RAPGEF4: variants seen among roughly 807,000 people sequenced by gnomAD.
The protein encoded by RAPGEF4 is RAP guanine-nucleotide-exchange factor (GEF) 4.
A neutral mutation model predicts 147.9 loss-of-function variants in RAPGEF4; 66 were observed. The observed-to-expected ratio is 0.45, with a 90% CI of 0.37 to 0.55. RAPGEF4 has a LOEUF of 0.55. Ranked by LOEUF, RAPGEF4 falls within the 20% of genes least tolerant of loss-of-function variation. The probability of loss-of-function intolerance (pLI) is 0.00; values close to 1 mark genes in which losing one functional copy is unlikely to be tolerated. For missense variants in RAPGEF4, 1,071 were observed against 1,257.3 expected (o/e 0.85, Z 2.24); for synonymous variants, 419 against 442.7 (o/e 0.95, Z 0.67).
intron 25 of RAPGEF4, among the ~76,000 whole-genome samples, chr2:173,028,038 T>G (rs1396577072): frequency 6.6e-6 from 1 of 152,212 alleles, no homozygotes; most frequent in African/African-American, 2.4e-5. Context: ...AGCTAGACAA[T>G]TTTCTTGACC....
intron 15 of RAPGEF4, among the ~76,000 whole-genome samples, chr2:172,995,658 AT>A (rs1381836387): frequency 2.0e-5 from 3 of 152,154 alleles, no homozygotes; most frequent in African/African-American, 7.2e-5. Flanking sequence ...CACTCAGATC[AT>A]CTGAATGTAT....
intron 14 of RAPGEF4, among the ~76,000 whole-genome samples, chr2:172,990,040 A>G (rs1031291131): frequency 1.6e-4 from 24 of 151,578 alleles, no homozygotes; most frequent in Non-Finnish European, 2.8e-4. Flanking sequence ...GAAAAGAAAA[A>G]AAAAGGCTAA....
chr2:172,804,867 T>G (rs769678573), intron 3 of RAPGEF4, among the ~76,000 whole-genome samples: 10 of 152,220 alleles, frequency 6.6e-5, no homozygotes, highest in Non-Finnish European at 1.5e-4. Flanking sequence ...AGGCCCTCTC[T>G]TAGGAAGGGA....
intron 4 of RAPGEF4, among the ~76,000 whole-genome samples, chr2:172,868,726 C>T (rs1038877315): frequency 4.6e-5 from 7 of 152,136 alleles, no homozygotes; most frequent in Non-Finnish European, 8.8e-5. Flanking sequence ...AAAAGGGGAA[C>T]GTGTGTGTTA....
intron 3 of RAPGEF4, among the ~76,000 whole-genome samples, chr2:172,799,816 T>C (rs1370517771): frequency 6.6e-6 from 1 of 152,118 alleles, no homozygotes; most frequent in East Asian, 1.9e-4. Flanking sequence ...AGAGCAGATG[T>C]GCCTAAGGGG....
At position 173,038,954 on chromosome 2, in the gene RAPGEF4, T is replaced by G. The variant is rs1050713411; in HGVS notation, c.2853+2262T>G. ...TTCAGTGGATACTAGGAGAGTGCCA[T>G]TCCTCTCCCCATTTCTGCACTTCAT... On this transcript the variant is annotated intron_variant, in intron 29 of 30. Coordinates refer to ENST00000397081, the MANE Select transcript of RAPGEF4 (RefSeq NM_007023.4). Among the ~76,000 whole-genome samples the G allele has an allele frequency of 2.0e-5, 3 of 152,158 alleles. 1 individual carries two copies. Among genetic ancestry groups the G allele is most frequent in the African/African-American group, 7.2e-5 (3 of 41,438 alleles).
chr2:172,834,775 A>C (rs72900230), intron 4 of RAPGEF4, among the ~76,000 whole-genome samples: 2,278 of 152,340 alleles, frequency 0.015, 19 homozygotes, highest in South Asian at 0.033. Context: ...ATTGGGTTTC[A>C]ATAAAGGGAA....
intron 29 of RAPGEF4, among the ~76,000 whole-genome samples, chr2:173,047,625 T>C (rs1181724573): frequency 3.9e-5 from 6 of 152,136 alleles, no homozygotes; most frequent in African/African-American, 9.6e-5. Flanking sequence ...TGTGAAGTAA[T>C]ATTCTAAGTG....
rs750777327 is a variant in RAPGEF4, at chr2:173,020,634, A to G, written c.2172A>G (p.Lys724=). 2 of 1,613,084 alleles carry G rather than the reference A, an allele frequency of 1.2e-6. No individual in the cohort carries two copies. Among genetic ancestry groups the G allele is most frequent in the Non-Finnish European group, 8.5e-7 (1 of 1,179,692 alleles). The change falls in exon 23 of 31, where the codon AAA becomes AAG. Residue 724 remains lysine (K), a synonymous_variant. Transcript: ENST00000397081. ...MSSGGEKVVL[K]PNDVSVFTTL... is the part of the protein sequence containing the mutation. ...TGTTCACAGAAAAGGTGGTGCTCAAACCTAATGATGTTTCAGTATTTACGA... is the reference window on the plus strand; with the variant it reads ...TGTTCACAGAAAAGGTGGTGCTCAAGCCTAATGATGTTTCAGTATTTACGA...
chr2:172,764,206 A>G (rs919815798), intron 1 of RAPGEF4, among the ~76,000 whole-genome samples: 1 of 151,912 alleles, frequency 6.6e-6, no homozygotes, highest in Admixed American at 6.6e-5. Context: ...TTGAACCATG[A>G]TCACGCACTG....
chr2:172,903,353 A>G (rs1699278862), intron 4 of RAPGEF4, among the ~76,000 whole-genome samples: 2 of 114,594 alleles, frequency 1.7e-5, no homozygotes, highest in East Asian at 2.8e-4. Flanking sequence ...TGGGGGACAG[A>G]GTGAGACTCC....
rs1693890949 is a variant in RAPGEF4 at position 173,001,269 on chromosome 2, C to G, written c.1583C>G (p.Ser528Cys). Residue 528 changes from serine to cysteine, a missense_variant, in exon 17 of 31, where the codon TCT becomes TGT. Physicochemically the swap from Ser to Cys is moderately radical, Grantham distance 112 (BLOSUM62 -1). Coordinates refer to ENST00000397081, the MANE Select transcript of RAPGEF4 (RefSeq NM_007023.4). ...TTCTGTTTTTTTCCCCTTCCAGATT[C>G]TGTTTTAAATGACTTTATTATGATG... ...LEATLNEATD[S>C]VLNDFIMMHC... The G allele has an allele frequency of 1.2e-6, 2 of 1,613,522 alleles. No individual in the cohort carries two copies. Among genetic ancestry groups the G allele is most frequent in the African/African-American group, 2.7e-5 (2 of 74,994 alleles).
At chr2:172,746,841 G>A (rs1694819589) in intron 1 of RAPGEF4, among the ~76,000 whole-genome samples, 1 of 152,128 alleles carries the variant, frequency 6.6e-6, no homozygotes, top group African/African-American at 2.4e-5. Context: ...TTGAACTCCT[G>A]ACCTCAGGTG....
In RAPGEF4 at chr2:172,945,262, T is replaced by G. The variant is rs62174644; in HGVS notation, c.538-15498T>G. On this transcript the variant is annotated intron_variant, in intron 6 of 30. Coordinates refer to ENST00000397081, the MANE Select transcript of RAPGEF4 (RefSeq NM_007023.4). ...TACTTTTCTGATTTGCTTCCATATT[T>G]TATATGGTATGCTTTTAGGACTTTG... 9.6e-3 allele frequency among the ~76,000 whole-genome samples: 1,457 copies of G among 152,246 alleles called. 19 individuals are homozygous for G. The highest frequency in any genetic ancestry group is 0.028 in the Admixed American group (433 of 15,280).
intron 4 of RAPGEF4, among the ~76,000 whole-genome samples, chr2:172,877,623 C>G (rs1351240902): frequency 2.0e-5 from 3 of 152,112 alleles, no homozygotes. Context: ...GCTTTTCTCA[C>G]TTTGCTGGGC....
chr2:172,938,899 C>T (rs1575311949), intron 6 of RAPGEF4, among the ~76,000 whole-genome samples: 1 of 152,178 alleles, frequency 6.6e-6, no homozygotes, highest in East Asian at 1.9e-4. Flanking sequence ...AAAGTTTTGC[C>T]TTTTCCAACC....
intron 4 of RAPGEF4, among the ~76,000 whole-genome samples, chr2:172,871,968 A>T (rs761791435): frequency 1.3e-5 from 2 of 152,164 alleles, no homozygotes; most frequent in Non-Finnish European, 2.9e-5. Context: ...TTCAAGTCTG[A>T]TGTTAGGTCC....
intron 26 of RAPGEF4, 149 bp downstream of exon 26, chr2:173,030,403 T>C: frequency 1.6e-6 from 1 of 637,570 alleles, no homozygotes; most frequent in Non-Finnish European, 2.7e-6. Context: ...GTCTCCTTTT[T>C]CCAGTTGCCT....
chr2:172,914,319 ATTTTTTTTTTTTTTTTT>A (rs573065663), intron 4 of RAPGEF4, among the ~76,000 whole-genome samples: 2 of 62,412 alleles, frequency 3.2e-5, no homozygotes, highest in African/African-American at 6.4e-5. Flanking sequence ...GGAAATATGC[ATTTTTTTTTTTTTTTTT>A]TTTTTTTTTT....
Sources: gnomAD v4.1 joint callset for allele counts (sites outside exome capture counted in the v4.1 genomes callset) on GRCh38, gnomAD v4.1.1 for gene constraint, MANE v1.5 for transcripts, NCBI Gene and HGNC (gene_info 2026-07-23, HGNC 2026-07-21) for gene names.